Variants in CCAR2 observed in about 807,000 individuals in gnomAD.
CCAR2 encodes cell cycle and apoptosis regulator 2, also known as cell cycle and apoptosis regulator protein 2.
CCAR2 carries 21 observed loss-of-function variants against 108.1 expected under a neutral mutation model. The observed-to-expected ratio is 0.19, with a 90% CI of 0.14 to 0.28. The LOEUF (loss-of-function observed/expected upper bound fraction) is 0.28. Among genes scored for constraint, CCAR2 ranks in the 10% least tolerant of loss-of-function variants. The probability of loss-of-function intolerance (pLI) is 1.00; values close to 1 mark genes in which losing one functional copy is unlikely to be tolerated. For missense variants in CCAR2, 1,126 were observed against 1,177.0 expected (o/e 0.96, Z 0.63); for synonymous variants, 577 against 472.8 (o/e 1.22, Z -2.86).
At chr8:22,607,880 C>T (rs182413262) in intron 6 of CCAR2, 89 bp from the exon 7 acceptor site, 17 of 1,008,206 alleles carry the variant, frequency 1.7e-5, no homozygotes, top group Non-Finnish European at 2.5e-5. Flanking sequence ...TCTGCACTGT[C>T]CTCTCAAAGT....
chr8:22,615,105 C>CCCT, intron 11 of CCAR2, 104 bp downstream of exon 11: 1 of 1,378,728 alleles, frequency 7.3e-7, no homozygotes, highest in Non-Finnish European at 9.6e-7. Context: ...GCTCTCTGCC[C>CCCT]CCTAGTCCCG....
intron 1 of CCAR2, 123 bp downstream of exon 1, chr8:22,604,965 T>G (rs567939163): frequency 1.2e-4 from 40 of 330,942 alleles, no homozygotes; most frequent in South Asian, 8.8e-4. Flanking sequence ...GAGCCCCTCT[T>G]TGGACTGCAA....
At chr8:22,615,967 A>G (rs774715818) in intron 13 of CCAR2, 45 bp from the exon 14 acceptor site, 1 of 1,612,736 alleles carries the variant, frequency 6.2e-7, no homozygotes, top group Admixed American at 1.7e-5. Flanking sequence ...GGCCTGAAGC[A>G]GTCTTTCTTC....
At position 22,618,431 on chromosome 8, in the gene CCAR2, A is replaced by C; in HGVS notation, c.2156A>C (p.Tyr719Ser). The C allele has an allele frequency of 3.1e-6, 5 of 1,614,170 alleles. No individual in the cohort carries two copies. Among genetic ancestry groups the C allele is most frequent in the Non-Finnish European group, 4.2e-6 (5 of 1,180,044 alleles). Reference sequence around the variant, plus strand: ...TTCTTTGATGCCAACTGGTGTGGCTACTTGCACCGGCGAGACTTAGAGAGG... The same window carrying C: ...TTCTTTGATGCCAACTGGTGTGGCTCCTTGCACCGGCGAGACTTAGAGAGG... ...FVFFDANWCG[Y>S]LHRRDLERIL... The change falls in exon 17 of 21, where the codon TAC (tyrosine) becomes TCC (serine). Residue 719 changes from tyrosine to serine, a missense_variant. Tyr to Ser is a moderately radical substitution (Grantham distance 144). Around this residue, in one of 4 missense-constraint regions of CCAR2, gnomAD observed 1,013 missense variants for 993.9 expected, o/e 1.02. Coordinates refer to ENST00000308511, the MANE Select transcript of CCAR2 (RefSeq NM_001393997.1).
chr8:22,619,721 T>G lies in CCAR2; in HGVS notation c.*39T>G. 6.4e-7 allele frequency: 1 copy of G among 1,550,834 alleles called. No homozygotes were observed. Among genetic ancestry groups the G allele is most frequent in the East Asian group, 2.4e-5 (1 of 41,236 alleles). ...AACTGCCATCCTGTGAGGGCAGCGGTGGCGCCCGGCAAAGTTGGAGCCCTT... is the reference window on the plus strand; with the variant it reads ...AACTGCCATCCTGTGAGGGCAGCGGGGGCGCCCGGCAAAGTTGGAGCCCTT... On this transcript the variant is annotated 3_prime_UTR_variant, in exon 21 of 21. Coordinates refer to ENST00000308511, the MANE Select transcript of CCAR2 (RefSeq NM_001393997.1).
chr8:22,621,507 G>A (rs764862873), downstream of CCAR2: 1 of 1,613,940 alleles, frequency 6.2e-7, no homozygotes, highest in South Asian at 1.1e-5. Context: ...GGAGTGGCCT[G>A]GCTGGTCAAG....
In CCAR2 at chr8:22,618,963, C is replaced by A. The variant is rs1405957506; in HGVS notation, c.2469C>A (p.Asp823Glu). 2 of 1,613,618 alleles carry A rather than the reference C, an allele frequency of 1.2e-6. No individual in the cohort carries two copies. Residue 823 changes from aspartate to glutamate, a missense_variant, in exon 19 of 21, where the codon GAC becomes GAA. Physicochemically the swap from Asp to Glu is conservative, Grantham distance 45. Transcript: ENST00000308511. ...GSLLQRAEQQDSGRLYLENKI... is the reference protein window; with the variant it reads ...GSLLQRAEQQESGRLYLENKI... ...TGCTGCAGCGCGCGGAGCAGCAGGA[C>A]AGCGGCCGGCTCTACCTAGAGAACA...
chr8:22,618,114 G>A (rs751680), intron 16 of CCAR2: 223,849 of 605,408 alleles, frequency 0.37, 42,523 homozygotes, highest in African/African-American at 0.47. Flanking sequence ...GGGTTTCGCT[G>A]TGTTGCCCAG....
rs747890171 is a variant in CCAR2 at position 22,616,026 on chromosome 8, C to T, written c.1623C>T (p.Ala541=). 35 of 1,613,866 alleles carry T rather than the reference C, an allele frequency of 2.2e-5. No homozygotes were observed. Among genetic ancestry groups the T allele is most frequent in the East Asian group, 1.1e-4 (5 of 44,878 alleles). The change falls in exon 14 of 21, where the codon GCC becomes GCT. Residue 541 remains alanine, a synonymous_variant. Transcript: ENST00000308511. ...ERISFEVMVL[A]ELFLEMLQRD... ...CTCCCCATCAGGTGATGGTGCTGGC[C>T]GAGCTGTTTCTGGAGATGCTCCAGA...
intron 20 of CCAR2, 132 bp downstream of exon 20, chr8:22,619,487 C>G: frequency 7.1e-7 from 1 of 1,401,098 alleles, no homozygotes; most frequent in South Asian, 1.3e-5. Context: ...CCATCGCTTG[C>G]CAGGCAGTGT....
Position 22,611,749 on chromosome 8 carries a change from T to C in CCAR2, c.585-1268T>C, listed in dbSNP as rs973579779. Among the ~76,000 whole-genome samples, 5 of 152,302 alleles carry C rather than the reference T, an allele frequency of 3.3e-5. No homozygotes were observed. In the South Asian group the frequency reaches 6.2e-4, roughly 19 times the overall value. ...ATTGTTTGTATTTACTATGAAAATT[T>C]GGGTATTGCTGAGTATGTATTTGGT... On this transcript the variant is annotated intron_variant, in intron 7 of 20. Coordinates refer to ENST00000308511, the MANE Select transcript of CCAR2 (RefSeq NM_001393997.1).
chr8:22,617,680 C>T lies in CCAR2; in HGVS notation c.1991-16C>T. On this transcript the variant is annotated splice_polypyrimidine_tract_variant and intron_variant, in intron 15 of 20. Coordinates refer to ENST00000308511, the MANE Select transcript of CCAR2 (RefSeq NM_001393997.1). ...TGGGTGGGCCCTGCTCTCCATTTAT[C>T]TTGGCCTTTCTGTAGCAGGAGCAAA... The T allele has an allele frequency of 6.2e-7, 1 of 1,614,198 alleles. No individual in the cohort carries two copies. Among genetic ancestry groups the T allele is most frequent in the Non-Finnish European group, 8.5e-7 (1 of 1,180,014 alleles).
At position 22,618,726 on chromosome 8, in the gene CCAR2, T is replaced by G; in HGVS notation, c.2330T>G (p.Phe777Cys). The change falls in exon 18 of 21, where the codon TTC becomes TGC. Residue 777 changes from phenylalanine (F) to cysteine (C), a missense_variant and splice_region_variant. By Grantham distance (205) the Phe-to-Cys change is radical. This residue lies in a region of CCAR2 where 1,013 missense variants were observed against 993.9 expected (regional missense o/e 1.02). Transcript: ENST00000308511. ...LDGGLPEEVL[F>C]GNLDLLPPPG... Reference sequence around the variant, plus strand: ...GGTGGCCTTCCCGAGGAGGTGCTCTTCGGTATGTTCTGGGGCCCTGCAGCC... The same window carrying G: ...GGTGGCCTTCCCGAGGAGGTGCTCTGCGGTATGTTCTGGGGCCCTGCAGCC... 6.2e-7 allele frequency: 1 copy of G among 1,613,914 alleles called. No individual in the cohort carries two copies. Among genetic ancestry groups the G allele is most frequent in the Non-Finnish European group, 8.5e-7 (1 of 1,179,996 alleles).
At chr8:22,615,242 C>T (rs2117450282) in intron 11 of CCAR2, 183 bp from the exon 12 acceptor site, 2 of 874,852 alleles carry the variant, frequency 2.3e-6, no homozygotes, top group Non-Finnish European at 1.7e-6. Flanking sequence ...GTGGTTGCGG[C>T]CTCCCCACTG....
intron 4 of CCAR2, 31 bp from the exon 5 acceptor site, chr8:22,606,879 T>C: frequency 6.2e-7 from 1 of 1,609,134 alleles, no homozygotes; most frequent in Non-Finnish European, 8.5e-7. Context: ...GTCCCTCTTC[T>C]GATGGGGCCT....
At chr8:22,612,907 C>T in intron 7 of CCAR2, 110 bp from the exon 8 acceptor site, 18 of 1,188,540 alleles carry the variant, frequency 1.5e-5, no homozygotes, top group Admixed American at 2.5e-5. Flanking sequence ...ATTCTTTTTC[C>T]ATTTATTGAA....
chr8:22,617,906 TCC>T, intron 16 of CCAR2, 128 bp downstream of exon 16: 1 of 963,536 alleles, frequency 1.0e-6, no homozygotes, highest in Non-Finnish European at 1.6e-6. Flanking sequence ...CACAGTGTGG[TCC>T]TTGGCTCATG....
rs779776571 is a variant in CCAR2 at position 22,618,863 on chromosome 8, C to T, written c.2369C>T (p.Thr790Met). 6 of 1,613,964 alleles carry T rather than the reference C, an allele frequency of 3.7e-6. No homozygotes were observed. In the South Asian group the frequency reaches 4.4e-5, roughly 12 times the overall value. The stretch of plus-strand genomic sequence containing the variant: ...CTGCTGCCCCCTCCTGGGAAAAGCA[C>T]GAAGCCAGGTGCTGCCCCCACAGAA... ...LDLLPPPGKSTKPGAAPTEHK... is the reference protein window; with the variant it reads ...LDLLPPPGKSMKPGAAPTEHK... Residue 790 changes from threonine (T) to methionine (M), a missense_variant, in exon 19 of 21, where the codon ACG becomes ATG. By Grantham distance (81) the Thr-to-Met change is moderately conservative (BLOSUM62 -1). Coordinates refer to ENST00000308511, the MANE Select transcript of CCAR2 (RefSeq NM_001393997.1).
chr8:22,608,709 A>G (rs983807991), intron 7 of CCAR2, among the ~76,000 whole-genome samples: 1 of 151,676 alleles, frequency 6.6e-6, no homozygotes, highest in Non-Finnish European at 1.5e-5. Flanking sequence ...CCTCAGTCTC[A>G]CTCTCCCTGA....
Sources: gnomAD v4.1 joint callset for allele counts (sites outside exome capture counted in the v4.1 genomes callset) on GRCh38, gnomAD v4.1.1 for gene constraint, gnomAD v4.1.1 regional missense constraint, MANE v1.5 for transcripts, NCBI Gene and HGNC (gene_info 2026-07-23, HGNC 2026-07-21) for gene names.